Variants in LAMA2 observed in about 807,000 individuals in gnomAD.
LAMA2 encodes the protein laminin subunit alpha-2.
Under a neutral mutation model 364.8 loss-of-function variants are expected in LAMA2, and 269 were observed. The observed-to-expected ratio is 0.74, with a 90% CI of 0.67 to 0.82. LAMA2 has a LOEUF of 0.82. Among genes scored for constraint, LAMA2 ranks in the 40% least tolerant of loss-of-function variants. The pLI is 0.00. For synonymous variants in LAMA2, 1,379 were observed against 1,370.6 expected, an observed-to-expected ratio of 1.01 and a Z score of -0.14; for missense variants, 3,807 against 3,873.2, an observed-to-expected ratio of 0.98 and a Z score of 0.45.
chr6:129,194,983 C>T (rs1165116881), intron 12 of LAMA2, among the ~76,000 whole-genome samples: 1 of 152,116 alleles, frequency 6.6e-6, no homozygotes, highest in Non-Finnish European at 1.5e-5. Context: ...GAATCAGAAC[C>T]ATTGCCAGAA....
intron 40 of LAMA2, among the ~76,000 whole-genome samples, chr6:129,409,661 C>T (rs528890409): frequency 1.5e-3 from 235 of 152,262 alleles, no homozygotes; most frequent in Admixed American, 3.1e-3. Context: ...GGCCTTGCTC[C>T]AAAATCCTAG....
chr6:129,495,420 G>T (rs185597236), intron 58 of LAMA2, among the ~76,000 whole-genome samples: 1 of 152,152 alleles, frequency 6.6e-6, no homozygotes, highest in Admixed American at 6.5e-5. Context: ...GGCACCTACT[G>T]CTCAAAAGGA....
chr6:129,020,311 C>T (rs1193523586), intron 1 of LAMA2, among the ~76,000 whole-genome samples: 1 of 152,010 alleles, frequency 6.6e-6, no homozygotes, highest in Non-Finnish European at 1.5e-5. Context: ...TATTCTTGGC[C>T]TTTTGTCTAC....
At chr6:129,265,413 C>A (rs552061143) in intron 15 of LAMA2, among the ~76,000 whole-genome samples, 16 of 152,252 alleles carry the variant, frequency 1.1e-4, no homozygotes, top group African/African-American at 3.9e-4. Context: ...AGGAAAACTT[C>A]ATGAATATCT....
intron 41 of LAMA2, among the ~76,000 whole-genome samples, chr6:129,434,078 G>C (rs1267371370): frequency 6.6e-6 from 1 of 152,142 alleles, no homozygotes; most frequent in East Asian, 1.9e-4. Flanking sequence ...GTTTTATTTT[G>C]AGATCGTACA....
intron 44 of LAMA2, 69 bp downstream of exon 44, chr6:129,443,137 A>G: frequency 3.4e-6 from 4 of 1,179,000 alleles, no homozygotes; most frequent in Non-Finnish European, 5.0e-6. Context: ...AAAAAGTTTC[A>G]GCTTTGCATG....
At chr6:128,967,197 AG>A (rs1781898088) in intron 1 of LAMA2, among the ~76,000 whole-genome samples, 1 of 152,198 alleles carries the variant, frequency 6.6e-6, no homozygotes, top group Non-Finnish European at 1.5e-5. Flanking sequence ...TGTGCCCAGC[AG>A]GGTTTGTTCA....
intron 10 of LAMA2, among the ~76,000 whole-genome samples, chr6:129,183,151 C>G (rs778764441): frequency 6.6e-6 from 1 of 151,914 alleles, no homozygotes; most frequent in African/African-American, 2.4e-5. Context: ...ATTTCTCTCA[C>G]GAATTACAAG....
At chr6:129,239,798 G>T (rs1785267818) in intron 12 of LAMA2, among the ~76,000 whole-genome samples, 1 of 152,154 alleles carries the variant, frequency 6.6e-6, no homozygotes, top group Non-Finnish European at 1.5e-5. Flanking sequence ...TTATAGTTGT[G>T]TGCCACTGCA....
At chr6:129,314,519 G>A (rs985776074) in intron 23 of LAMA2, 136 bp from the exon 24 acceptor site, 13 of 734,692 alleles carry the variant, frequency 1.8e-5, no homozygotes, top group Admixed American at 4.1e-5. Context: ...CATTTGAGAT[G>A]TGAGTCTAAT....
At chr6:129,432,656 G>T (rs1046856304) in intron 41 of LAMA2, among the ~76,000 whole-genome samples, 2 of 152,098 alleles carry the variant, frequency 1.3e-5, no homozygotes, top group African/African-American at 4.8e-5. Flanking sequence ...TTAAACCAAA[G>T]ACTATTTGTC....
chr6:129,430,246 C>T (rs1420443203), intron 41 of LAMA2, among the ~76,000 whole-genome samples: 1 of 152,102 alleles, frequency 6.6e-6, no homozygotes, highest in East Asian at 1.9e-4. Flanking sequence ...GAGATTTAGT[C>T]ATTTCTCTCT....
Position 129,004,570 on chromosome 6 carries a change from G to A in LAMA2, c.113-45348G>A, listed in dbSNP as rs1784323934. 2.0e-5 allele frequency among the ~76,000 whole-genome samples: 3 copies of A among 152,134 alleles called. No homozygotes were observed. The South Asian group carries it at 6.2e-4, about 32-fold the overall frequency. Reference sequence around the variant, plus strand: ...AGGGATAGTTTTTGTTCTGTGGACTGCTAAATGATCACAGCCTAATGTATT... The same window carrying A: ...AGGGATAGTTTTTGTTCTGTGGACTACTAAATGATCACAGCCTAATGTATT... On this transcript the variant is annotated intron_variant, in intron 1 of 64. Transcript: ENST00000421865.
chr6:129,436,016 A>G (rs948316679), intron 41 of LAMA2, among the ~76,000 whole-genome samples: 1 of 152,286 alleles, frequency 6.6e-6, no homozygotes. Flanking sequence ...TTCTCTGGGT[A>G]CCAGGAAAGT....
chr6:129,339,822 G>A (rs929643151), intron 29 of LAMA2, among the ~76,000 whole-genome samples: 9 of 152,082 alleles, frequency 5.9e-5, no homozygotes, highest in African/African-American at 2.2e-4. Context: ...GGCCAGCATG[G>A]TGAAACCCCG....
At position 129,438,840 on chromosome 6, in the gene LAMA2, T is replaced by C; in HGVS notation, c.6085+78T>C. The C allele has an allele frequency of 3.7e-6, 3 of 800,316 alleles. 1 individual carries two copies. The South Asian group carries it at 4.1e-5, about 11-fold the overall frequency. 49.6% of individuals were successfully genotyped at this position (800,316 alleles called of 1,614,324 possible). A position where few individuals can be genotyped will look rare whatever the true frequency, so the allele number is the denominator to read the frequency against. On this transcript the variant is annotated intron_variant, in intron 42 of 64. Transcript: ENST00000421865. ...CTGTTGTTAACTTTTACCATTTTTT[T>C]CTAAGATTATTCTGGTACTATTATC...
rs766329944 is a variant in LAMA2, at chr6:129,316,015, G to A, written c.3925-23G>A. 4.3e-6 allele frequency: 7 copies of A among 1,614,028 alleles called. No homozygotes were observed. The South Asian group carries it at 7.7e-5, about 18-fold the overall frequency. ...TGGTTTTGCATTCAGTTTTGTCATA[G>A]TGATTTCTCTTCTTGTTAACAGAAA... On this transcript the variant is annotated intron_variant, in intron 26 of 64. Coordinates refer to ENST00000421865, the MANE Select transcript of LAMA2 (RefSeq NM_000426.4).
chr6:128,978,577 A>G (rs1782673028), intron 1 of LAMA2, among the ~76,000 whole-genome samples: 1 of 151,960 alleles, frequency 6.6e-6, no homozygotes, highest in South Asian at 2.1e-4. Context: ...GAGCCTCCCA[A>G]AGTGCTGGGA....
intron 12 of LAMA2, among the ~76,000 whole-genome samples, chr6:129,213,594 G>A (rs1402833170): frequency 2.6e-5 from 4 of 152,100 alleles, no homozygotes; most frequent in East Asian, 1.9e-4. Context: ...GTGGTATATC[G>A]TTGTTTTAAT....
Sources: gnomAD v4.1 joint callset for allele counts (sites outside exome capture counted in the v4.1 genomes callset) on GRCh38, gnomAD v4.1.1 for gene constraint, MANE v1.5 for transcripts, NCBI Gene and HGNC (gene_info 2026-07-23, HGNC 2026-07-21) for gene names.